FUT8: variants seen among roughly 807,000 people sequenced by gnomAD.
FUT8 encodes fucosyltransferase 8, also known as alpha-(1,6)-fucosyltransferase.
FUT8 carries 29 observed loss-of-function variants against 71.3 expected under a neutral mutation model. The observed-to-expected ratio is 0.41, with a 90% CI of 0.30 to 0.55. FUT8 has a LOEUF of 0.55. Among genes scored for constraint, FUT8 ranks in the 20% least tolerant of loss-of-function variants. The pLI, the probability that FUT8 is intolerant of heterozygous loss-of-function variation, is 0.34. For synonymous variants in FUT8, 254 were observed against 239.3 expected, an observed-to-expected ratio of 1.06 and a Z score of -0.57; for missense variants, 544 against 702.1, an observed-to-expected ratio of 0.77 and a Z score of 2.55.
chr14:65,576,462 A>G (rs909667230), intron 3 of FUT8, among the ~76,000 whole-genome samples: 1 of 152,124 alleles, frequency 6.6e-6, no homozygotes, highest in Non-Finnish European at 1.5e-5. Context: ...GCTCTGAAAT[A>G]AAGGTCCAAA....
the FUT8 span, among the ~76,000 whole-genome samples, chr14:65,362,454 T>C: frequency 4.6e-5 from 7 of 151,880 alleles, no homozygotes; most frequent in East Asian, 1.2e-3. Flanking sequence ...GGTACGAAGA[T>C]TACTTGAGCC....
chr14:65,634,578 A>AAG (rs1890437359), intron 6 of FUT8, among the ~76,000 whole-genome samples: 2 of 148,976 alleles, frequency 1.3e-5, no homozygotes, highest in African/African-American at 2.5e-5. Flanking sequence ...AAAAAAAAAA[A>AAG]AAAGAAAAGG....
chr14:65,490,923 A>G (rs1412729250), intron 2 of FUT8, among the ~76,000 whole-genome samples: 1 of 152,170 alleles, frequency 6.6e-6, no homozygotes, highest in Non-Finnish European at 1.5e-5. Context: ...ACAGTTTTAC[A>G]GTGTTACCTA....
At chr14:65,425,618 T>C (rs1356061575) in intron 1 of FUT8, among the ~76,000 whole-genome samples, 1 of 150,452 alleles carries the variant, frequency 6.6e-6, no homozygotes, top group African/African-American at 2.5e-5. Context: ...ACCACAATCA[T>C]GCTAATTAAC....
the FUT8 span, among the ~76,000 whole-genome samples, chr14:65,404,886 T>C: frequency 6.6e-6 from 1 of 152,266 alleles, no homozygotes; most frequent in Non-Finnish European, 1.5e-5. Flanking sequence ...TGCAATGGTA[T>C]TATTGTATCA....
intron 7 of FUT8, among the ~76,000 whole-genome samples, chr14:65,707,873 C>G (rs1272859471): frequency 2.0e-5 from 3 of 152,124 alleles, no homozygotes; most frequent in African/African-American, 7.2e-5. Context: ...ATTACAGTAG[C>G]TTTATATTTT....
At chr14:65,509,705 T>A (rs952021465) in intron 2 of FUT8, among the ~76,000 whole-genome samples, 2 of 152,186 alleles carry the variant, frequency 1.3e-5, no homozygotes, top group Admixed American at 1.3e-4. Flanking sequence ...GACTGCTTTT[T>A]AAATTTCTTT....
At chr14:65,661,522 G>A (rs1414391106) in intron 6 of FUT8, among the ~76,000 whole-genome samples, 1 of 152,188 alleles carries the variant, frequency 6.6e-6, no homozygotes, top group Admixed American at 6.5e-5. Flanking sequence ...TTTCTGCAAT[G>A]TTTTTGGTCA....
intron 7 of FUT8, among the ~76,000 whole-genome samples, chr14:65,677,149 T>TGTGTGTGTGTGTGTGC (rs1555383277): frequency 2.4e-5 from 2 of 84,530 alleles, no homozygotes; most frequent in African/African-American, 3.8e-5. Context: ...TGTGTGTGTG[T>TGTGTGTGTGTGTGTGC]GTGCGCGCGC....
intron 1 of FUT8, among the ~76,000 whole-genome samples, chr14:65,453,738 A>G (rs930910268): frequency 6.6e-6 from 1 of 152,158 alleles, no homozygotes; most frequent in Non-Finnish European, 1.5e-5. Flanking sequence ...GTCTGACTTT[A>G]TGGAACTTCA....
chr14:65,448,285 G>A (rs2065772248), intron 1 of FUT8, among the ~76,000 whole-genome samples: 1 of 152,158 alleles, frequency 6.6e-6, no homozygotes, highest in African/African-American at 2.4e-5. Flanking sequence ...TTGGTCATGA[G>A]TAAGTGGGTC....
intron 6 of FUT8, among the ~76,000 whole-genome samples, chr14:65,642,145 A>C (rs1890871035): frequency 6.6e-6 from 1 of 152,158 alleles, no homozygotes. Context: ...TCTTCTAGGA[A>C]TTGTATAATT....
chr14:65,727,589 A>G (rs1035487463), intron 9 of FUT8, among the ~76,000 whole-genome samples: 9 of 152,054 alleles, frequency 5.9e-5, no homozygotes, highest in African/African-American at 2.2e-4. Context: ...AGTCCACAAT[A>G]TCATTTTTTC....
chr14:65,621,033 A>C (rs1889580213), intron 5 of FUT8, among the ~76,000 whole-genome samples: 1 of 152,180 alleles, frequency 6.6e-6, no homozygotes, highest in African/African-American at 2.4e-5. Context: ...CAGGTGGAAA[A>C]GGGTGTTTTT....
At chr14:65,650,945 C>G (rs1365961703) in intron 6 of FUT8, among the ~76,000 whole-genome samples, 4 of 152,166 alleles carry the variant, frequency 2.6e-5, no homozygotes, top group Non-Finnish European at 5.9e-5. Context: ...GTAGCCCTGT[C>G]CCTCATTCCT....
chr14:65,587,526 A>G (rs1449549673), intron 3 of FUT8, among the ~76,000 whole-genome samples: 1 of 152,234 alleles, frequency 6.6e-6, no homozygotes, highest in East Asian at 1.9e-4. Context: ...GTGTGTGTAT[A>G]GGCTGAAAAA....
intron 6 of FUT8, among the ~76,000 whole-genome samples, chr14:65,664,723 G>A (rs528396279): frequency 8.5e-5 from 13 of 152,206 alleles, no homozygotes; most frequent in African/African-American, 3.1e-4. Flanking sequence ...AATATCCCTG[G>A]AAAATAGTTT....
chr14:65,526,287 T>G (rs1185111587), intron 2 of FUT8, among the ~76,000 whole-genome samples: 1 of 152,230 alleles, frequency 6.6e-6, no homozygotes, highest in East Asian at 1.9e-4. Context: ...TAGCTCTTCT[T>G]GTTGAATTGG....
intron 7 of FUT8, among the ~76,000 whole-genome samples, chr14:65,677,508 A>G (rs188549945): frequency 6.6e-6 from 1 of 152,330 alleles, no homozygotes; most frequent in East Asian, 1.9e-4. Context: ...TAGTGATACT[A>G]TAAGTCATAC....
Sources: allele counts gnomAD v4.1 joint callset (sites outside exome capture counted in the v4.1 genomes callset), GRCh38; gene constraint gnomAD v4.1.1; transcripts MANE v1.5; gene names NCBI Gene and HGNC (gene_info 2026-07-23, HGNC 2026-07-21).